The following EIF2B1 variants were observed in gnomAD, a reference collection of about 807,000 sequenced individuals.
The protein encoded by EIF2B1 is eukaryotic translation initiation factor 2B subunit alpha, also known as translation initiation factor eIF2B subunit alpha.
In EIF2B1, 30 loss-of-function variants were observed where a neutral mutation model predicts 36.8. That is an observed-to-expected ratio of 0.81 (90% confidence interval 0.61 to 1.10). The LOEUF is 1.10. Ranked by LOEUF, EIF2B1 falls within the 50% of genes least tolerant of loss-of-function variation. EIF2B1 has a pLI of 0.00. For synonymous variants in EIF2B1, 139 were observed against 142.2 expected (o/e 0.98, Z 0.16); for missense variants, 271 against 374.8 (o/e 0.72, Z 2.29).
At position 123,632,466 on chromosome 12, in the gene EIF2B1, T is replaced by C; in HGVS notation, c.14-20A>G. 6.5e-7 allele frequency: 1 copy of C among 1,534,452 alleles called. No homozygotes were observed. The highest frequency in any genetic ancestry group is 9.0e-7 in the Non-Finnish European group (1 of 1,109,186). On this transcript the variant is annotated intron_variant, in intron 1 of 8. Coordinates refer to ENST00000424014, the MANE Select transcript of EIF2B1 (RefSeq NM_001414.4). Reference sequence around the variant, plus strand: ...TTAACTCTGGAAAAAGGGAAAAAAGTGATTCACCTAATTCATTTAGCAGCC... The same window carrying C: ...TTAACTCTGGAAAAAGGGAAAAAAGCGATTCACCTAATTCATTTAGCAGCC...
chr12:123,630,397 G>A lies in EIF2B1; in HGVS notation c.252C>T (p.Ser84=), dbSNP rs138110703. ...RFISLASLEY[S]DYSKCKKIMI... ...AACCCCAGGGAGAACAGGCACTTAC[G>A]GAGTATTCCAGGGAGGCAAGACTGA... The change falls in exon 3 of 9, where the codon TCC becomes TCT. Residue 84 remains serine, a splice_region_variant and synonymous_variant. Transcript: ENST00000424014. The surrounding 1 kb of genome is among the most constrained non-coding windows in gnomAD (Gnocchi z 4.6). 37 of 1,614,150 alleles carry A rather than the reference G, an allele frequency of 2.3e-5. No homozygotes were observed. In the African/African-American group the frequency reaches 4.1e-4, roughly 18 times the overall value.
rs531308514 is a variant in EIF2B1, at chr12:123,622,901, T to C, written c.628-140A>G. 8.3e-5 allele frequency: 104 copies of C among 1,259,398 alleles called. No homozygotes were observed. The African/African-American group carries it at 1.6e-3, about 19-fold the overall frequency. 78.0% of individuals were successfully genotyped at this position (1,259,398 alleles called of 1,614,324 possible). A position where few individuals can be genotyped will look rare whatever the true frequency, so the allele number is the denominator to read the frequency against. On this transcript the variant is annotated intron_variant, in intron 7 of 8. Coordinates refer to ENST00000424014, the MANE Select transcript of EIF2B1 (RefSeq NM_001414.4). ...GAGGTGGGTGGATCACCTGAACCCA[T>C]GAGTTTGGGACCAGCCTAGGCAACA...
chr12:123,627,007 T>C (rs748630164), intron 5 of EIF2B1, 37 bp downstream of exon 5: 22 of 1,589,848 alleles, frequency 1.4e-5, no homozygotes, highest in African/African-American at 2.7e-5. Flanking sequence ...TCTGTAAAAT[T>C]ATGGCTGGGC....
chr12:123,626,682 A>C, intron 5 of EIF2B1, 189 bp from the exon 6 acceptor site: 2 of 710,438 alleles, frequency 2.8e-6, no homozygotes, highest in Non-Finnish European at 4.9e-6. Context: ...ATTTTTGGAA[A>C]ACTATACTCT....
chr12:123,633,133 T>A (rs1167457338), intron 1 of EIF2B1, among the ~76,000 whole-genome samples: 2 of 149,734 alleles, frequency 1.3e-5, no homozygotes, highest in East Asian at 3.9e-4. Context: ...TCTATTCACA[T>A]ACACATATAT....
At chr12:123,629,725 G>A (rs1413572437) in intron 4 of EIF2B1, among the ~76,000 whole-genome samples, 2 of 152,084 alleles carry the variant, frequency 1.3e-5, no homozygotes, top group African/African-American at 4.8e-5. Flanking sequence ...CCCAGGAGGC[G>A]GAGCTTGCAG....
At position 123,630,662 on chromosome 12, in the gene EIF2B1, G is replaced by T; in HGVS notation, c.116-129C>A. The stretch of plus-strand genomic sequence containing the variant: ...CTATATACCAGGCACTATTCTAGAT[G>T]CTAGGGATACATCAGTGAACAAGAC... On this transcript the variant is annotated intron_variant, in intron 2 of 8. Coordinates refer to ENST00000424014, the MANE Select transcript of EIF2B1 (RefSeq NM_001414.4). This position sits in a 1 kb window ranked among gnomAD's most constrained non-coding sequence, Gnocchi z 4.6. 7.8e-7 allele frequency: 1 copy of T among 1,288,584 alleles called. No homozygotes were observed. Among genetic ancestry groups the T allele is most frequent in the Non-Finnish European group, 1.1e-6 (1 of 914,876 alleles). The allele number at this position is 1,288,584 out of a possible 1,614,324, so 79.8% of individuals were successfully genotyped here.
chr12:123,624,152 G>A (rs1515814), intron 7 of EIF2B1, among the ~76,000 whole-genome samples: 73,261 of 149,282 alleles, frequency 0.49, 19,698 homozygotes, highest in African/African-American at 0.71. Context: ...TTATGTGTGT[G>A]TATATATATG....
chr12:123,633,419 A>T, intron 1 of EIF2B1, 126 bp downstream of exon 1: 3 of 1,442,546 alleles, frequency 2.1e-6, no homozygotes, highest in Non-Finnish European at 2.9e-6. Context: ...CTCTGGAAAC[A>T]CAACCAGCGG....
chr12:123,624,749 G>C (rs750819390), intron 7 of EIF2B1, 38 bp downstream of exon 7: 64 of 1,585,628 alleles, frequency 4.0e-5, no homozygotes, highest in South Asian at 7.7e-5. Context: ...ACACCTCCAA[G>C]TCTTGAGCAG....
chr12:123,621,353 T>C lies in EIF2B1; in HGVS notation c.*403A>G. On this transcript the variant is annotated 3_prime_UTR_variant, in exon 9 of 9. Coordinates refer to ENST00000424014, the MANE Select transcript of EIF2B1 (RefSeq NM_001414.4). ...CACCGCGTGTAACGTCCTGACCAGC[T>C]GTTGGTCATTTGTGGCAGAGGGGTG... is the stretch of plus-strand genomic sequence containing the variant. 3.0e-6 allele frequency: 1 copy of C among 332,376 alleles called. No individual in the cohort carries two copies. Among genetic ancestry groups the C allele is most frequent in the Non-Finnish European group, 5.9e-6 (1 of 169,950 alleles). The allele number at this position is 332,376 out of a possible 1,614,324, so 20.6% of individuals were successfully genotyped here. A position where few individuals can be genotyped will look rare whatever the true frequency, so the allele number is the denominator to read the frequency against.
In EIF2B1 at chr12:123,620,619, T is replaced by TAC. The variant is rs1555284661; in HGVS notation, c.*1136_*1137insGT. 1 of 120,550 alleles carries TAC rather than the reference T, an allele frequency of 8.3e-6. No homozygotes were observed. Among genetic ancestry groups the TAC allele is most frequent in the Non-Finnish European group, 1.7e-5 (1 of 60,090 alleles). The allele number at this position is 120,550 out of a possible 1,614,324, so 7.5% of individuals were successfully genotyped here. A position where few individuals can be genotyped will look rare whatever the true frequency, so the allele number is the denominator to read the frequency against. On this transcript the variant is annotated 3_prime_UTR_variant, in exon 9 of 9. Coordinates refer to ENST00000424014, the MANE Select transcript of EIF2B1 (RefSeq NM_001414.4). ...ATATATATATATATATATATATATA[T>TAC]ATATATATAAGCTCTTTTTTCTGAG...
At position 123,631,636 on chromosome 12, in the gene EIF2B1, G is replaced by A. The variant is rs150485762; in HGVS notation, c.115+709C>T. On this transcript the variant is annotated intron_variant, in intron 2 of 8. Coordinates refer to ENST00000424014, the MANE Select transcript of EIF2B1 (RefSeq NM_001414.4). ...ATTCTGGCTAACAAAGTGAAACCCC[G>A]TCTCTACTAAAAATACAAAAAATTA... 3.5e-3 allele frequency among the ~76,000 whole-genome samples: 526 copies of A among 151,998 alleles called. 6 individuals are homozygous for A. The highest frequency in any genetic ancestry group is 0.012 in the African/African-American group (499 of 41,452).
intron 7 of EIF2B1, among the ~76,000 whole-genome samples, chr12:123,623,964 G>A (rs1344944064): frequency 1.3e-5 from 2 of 151,820 alleles, no homozygotes; most frequent in Admixed American, 6.6e-5. Context: ...TTCAGGCTAG[G>A]AGTTCAAGAC....
chr12:123,631,258 G>GT (rs1377601854), intron 2 of EIF2B1, among the ~76,000 whole-genome samples: 7 of 152,152 alleles, frequency 4.6e-5, no homozygotes, highest in Non-Finnish European at 7.3e-5. Flanking sequence ...TCATGACAAC[G>GT]TAAGAGCTCT....
chr12:123,629,922 C>T, intron 4 of EIF2B1: 1 of 579,330 alleles, frequency 1.7e-6, no homozygotes, highest in Non-Finnish European at 3.1e-6. Flanking sequence ...TTACTAAGTG[C>T]CAGGCACAAT....
chr12:123,629,154 T>A (rs1046588111), intron 4 of EIF2B1, among the ~76,000 whole-genome samples: 1 of 152,138 alleles, frequency 6.6e-6, no homozygotes, highest in Non-Finnish European at 1.5e-5. Flanking sequence ...GGACAAGATT[T>A]AAGAGTCAAA....
rs930385511 is a variant in EIF2B1 at position 123,630,666 on chromosome 12, G to C, written c.116-133C>G. ...ATACCAGGCACTATTCTAGATGCTA[G>C]GGATACATCAGTGAACAAGACAGGT... On this transcript the variant is annotated intron_variant, in intron 2 of 8. Transcript: ENST00000424014. This position sits in a 1 kb window ranked among gnomAD's most constrained non-coding sequence, Gnocchi z 4.6. 24 of 1,260,464 alleles carry C rather than the reference G, an allele frequency of 1.9e-5. No homozygotes were observed. Among genetic ancestry groups the C allele is most frequent in the Non-Finnish European group, 2.6e-5 (23 of 890,620 alleles). 78.1% of individuals were successfully genotyped at this position (1,260,464 alleles called of 1,614,324 possible).
At chr12:123,627,899 G>T (rs73416203) in intron 4 of EIF2B1, among the ~76,000 whole-genome samples, 5,629 of 152,260 alleles carry the variant, frequency 0.037, 268 homozygotes, top group African/African-American at 0.11. Context: ...GCCCCAGCTG[G>T]CGTCATGTGG....
Sources: gnomAD v4.1 joint callset for allele counts (sites outside exome capture counted in the v4.1 genomes callset) on GRCh38, gnomAD v4.1.1 for gene constraint, Gnocchi (gnomAD v3.1) non-coding constraint, MANE v1.5 for transcripts, NCBI Gene and HGNC (gene_info 2026-07-23, HGNC 2026-07-21) for gene names.